Variants in CCDC149 observed in about 807,000 individuals in gnomAD.
The protein encoded by CCDC149 is coiled-coil domain containing 149, also known as coiled-coil domain-containing protein 149.
Under a neutral mutation model 59.9 loss-of-function variants are expected in CCDC149, and 45 were observed. The observed-to-expected ratio is 0.75, with a 90% confidence interval of 0.59 to 0.96. The LOEUF (loss-of-function observed/expected upper bound fraction) is 0.96, where lower values mean the gene tolerates loss of function less well. Among genes scored for constraint, CCDC149 ranks in the 40% least tolerant of loss-of-function variants. CCDC149 has a pLI of 0.00. For synonymous variants in CCDC149, 245 were observed against 260.6 expected, an observed-to-expected ratio of 0.94 and a Z score of 0.58; for missense variants, 584 against 664.7, an observed-to-expected ratio of 0.88 and a Z score of 1.33.
intron 1 of CCDC149, among the ~76,000 whole-genome samples, chr4:24,878,975 AC>A (rs1255259125): frequency 6.6e-6 from 1 of 152,220 alleles, no homozygotes; most frequent in Non-Finnish European, 1.5e-5. Flanking sequence ...GGTCTGAGAT[AC>A]CTGGTAGAAA....
At chr4:24,965,001 A>G (rs928142445) in intron 1 of CCDC149, among the ~76,000 whole-genome samples, 9 of 151,218 alleles carry the variant, frequency 6.0e-5, no homozygotes, top group Non-Finnish European at 5.9e-5. Flanking sequence ...AAATTAAAAC[A>G]TTTTCAGATA....
At chr4:24,971,536 C>T (rs1723969957) in intron 1 of CCDC149, among the ~76,000 whole-genome samples, 1 of 152,238 alleles carries the variant, frequency 6.6e-6, no homozygotes, top group Non-Finnish European at 1.5e-5. Flanking sequence ...CCACTATTGT[C>T]TGCAAAAGGT....
intron 1 of CCDC149, among the ~76,000 whole-genome samples, chr4:24,937,629 A>T (rs1722823067): frequency 6.6e-6 from 1 of 152,336 alleles, no homozygotes; most frequent in African/African-American, 2.4e-5. Context: ...GTATTGCCAT[A>T]GTTGATGGCT....
downstream of CCDC149, among the ~76,000 whole-genome samples, chr4:24,805,390 T>C (rs916012161): frequency 3.9e-5 from 6 of 152,142 alleles, no homozygotes; most frequent in Non-Finnish European, 5.9e-5. Context: ...CAAACAACCA[T>C]AGCCCCTCCC....
intron 1 of CCDC149, among the ~76,000 whole-genome samples, chr4:24,960,637 G>A (rs1723611767): frequency 6.6e-6 from 1 of 152,126 alleles, no homozygotes; most frequent in Admixed American, 6.6e-5. Context: ...GTATTTTAGA[G>A]CAAAGAATAT....
chr4:24,853,041 A>G (rs1717762412), intron 4 of CCDC149, 31 bp downstream of exon 4: 2 of 1,380,618 alleles, frequency 1.4e-6, no homozygotes, highest in East Asian at 4.6e-5. Context: ...ATGTTGCAGC[A>G]GAGCTTCTTC....
intron 1 of CCDC149, 104 bp downstream of exon 1, chr4:24,912,713 G>GC (rs1721951953): frequency 1.3e-6 from 1 of 781,972 alleles, no homozygotes; most frequent in Non-Finnish European, 1.6e-6. Context: ...TGGAGTGCGC[G>GC]CCCCCCTCTC....
chr4:24,922,659 T>C (rs973324991), intron 1 of CCDC149, among the ~76,000 whole-genome samples: 1 of 152,174 alleles, frequency 6.6e-6, no homozygotes, highest in Non-Finnish European at 1.5e-5. Flanking sequence ...GAACTACTAT[T>C]CTCAAATGAT....
At chr4:24,849,103 C>G (rs1315535761) in intron 4 of CCDC149, among the ~76,000 whole-genome samples, 1 of 152,112 alleles carries the variant, frequency 6.6e-6, no homozygotes, top group Admixed American at 6.5e-5. Flanking sequence ...GATCCCCTTT[C>G]CCTGAATCCA....
At chr4:24,939,726 G>A (rs1722897666) in intron 1 of CCDC149, among the ~76,000 whole-genome samples, 1 of 152,172 alleles carries the variant, frequency 6.6e-6, no homozygotes, top group African/African-American at 2.4e-5. Flanking sequence ...GAAAACCACA[G>A]CACGAGAACT....
chr4:24,858,205 TG>T (rs1399767670), intron 3 of CCDC149, among the ~76,000 whole-genome samples: 1 of 152,172 alleles, frequency 6.6e-6, no homozygotes, highest in Non-Finnish European at 1.5e-5. Flanking sequence ...TTTGTCTAAC[TG>T]TTACTGAGAA....
intron 1 of CCDC149, among the ~76,000 whole-genome samples, chr4:24,952,433 A>C (rs1723318453): frequency 6.6e-6 from 1 of 151,148 alleles, no homozygotes; most frequent in South Asian, 2.1e-4. Flanking sequence ...CTCTACTAAA[A>C]ATACAACAAT....
At chr4:24,884,053 C>T (rs1255945630) in intron 1 of CCDC149, among the ~76,000 whole-genome samples, 2 of 152,194 alleles carry the variant, frequency 1.3e-5, no homozygotes, top group African/African-American at 4.8e-5. Flanking sequence ...TCAGAGAATA[C>T]ATTGTAACTC....
At chr4:24,868,446 C>T (rs1718829621) in intron 3 of CCDC149, among the ~76,000 whole-genome samples, 1 of 152,160 alleles carries the variant, frequency 6.6e-6, no homozygotes, top group South Asian at 2.1e-4. Flanking sequence ...CTTGTTTACC[C>T]ATTAATAAGT....
At chr4:24,915,295 T>G (rs924957805), upstream of CCDC149, among the ~76,000 whole-genome samples, 1 of 152,130 alleles carries the variant, frequency 6.6e-6, no homozygotes, top group African/African-American at 2.4e-5. Flanking sequence ...ATAAATAGAC[T>G]GTAGGAAAAG....
intron 8 of CCDC149, among the ~76,000 whole-genome samples, chr4:24,833,810 C>A (rs1716323944): frequency 6.6e-6 from 1 of 152,038 alleles, no homozygotes; most frequent in Non-Finnish European, 1.5e-5. Context: ...CAAAGGGGGC[C>A]AGTTTAAGGC....
chr4:24,957,209 C>G (rs1723490724), intron 1 of CCDC149, among the ~76,000 whole-genome samples: 1 of 152,180 alleles, frequency 6.6e-6, no homozygotes, highest in African/African-American at 2.4e-5. Context: ...TTAAATCCAC[C>G]AAGCAACAAA....
At chr4:24,933,952 A>G (rs1236778398) in intron 1 of CCDC149, among the ~76,000 whole-genome samples, 1 of 152,184 alleles carries the variant, frequency 6.6e-6, no homozygotes, top group Non-Finnish European at 1.5e-5. Flanking sequence ...GAAAGGTCCA[A>G]TAAGTTATTC....
chr4:24,905,888 T>C (rs924077776), intron 1 of CCDC149, among the ~76,000 whole-genome samples: 1 of 152,282 alleles, frequency 6.6e-6, no homozygotes, highest in Admixed American at 6.5e-5. Context: ...AATTCTCCAC[T>C]CATCCCTAAT....
Sources: gnomAD v4.1 joint callset for allele counts (sites outside exome capture counted in the v4.1 genomes callset) on GRCh38, gnomAD v4.1.1 for gene constraint, MANE v1.5 for transcripts, NCBI Gene and HGNC (gene_info 2026-07-23, HGNC 2026-07-21) for gene names.